Variants in FOXP4 observed in about 807,000 individuals in gnomAD.
FOXP4 encodes the protein forkhead box protein P4.
Under a neutral mutation model 82.6 loss-of-function variants are expected in FOXP4, and 25 were observed. The ratio of observed to expected loss-of-function variants is 0.30; its 90% CI spans 0.22 to 0.42. The LOEUF is 0.42. Ranked by LOEUF, FOXP4 falls within the 10% of genes least tolerant of loss-of-function variation. FOXP4 has a pLI of 1.00. For missense variants in FOXP4, 785 were observed against 900.9 expected (o/e 0.87, Z 1.65); for synonymous variants, 415 against 388.2 (o/e 1.07, Z -0.81).
At chr6:41,548,006 G>A (rs964153512) in intron 1 of FOXP4, among the ~76,000 whole-genome samples, 42 of 152,362 alleles carry the variant, frequency 2.8e-4, no homozygotes, top group African/African-American at 9.9e-4. Context: ...CCAGACGGCG[G>A]CGGATTCCCT....
At chr6:41,549,763 A>G (rs1239136703) in intron 1 of FOXP4, among the ~76,000 whole-genome samples, 1 of 151,142 alleles carries the variant, frequency 6.6e-6, no homozygotes, top group Non-Finnish European at 1.5e-5. Flanking sequence ...AAGAATGGGA[A>G]CAGGGTGTCT....
chr6:41,561,980 T>C (rs959653600), intron 1 of FOXP4, among the ~76,000 whole-genome samples: 12 of 152,210 alleles, frequency 7.9e-5, no homozygotes, highest in African/African-American at 2.9e-4. Context: ...TACAGGGGAC[T>C]GATAATCAAG....
At chr6:41,597,381 C>T (rs1435818101) in intron 15 of FOXP4, 139 bp downstream of exon 15, 8 of 832,528 alleles carry the variant, frequency 9.6e-6, no homozygotes, top group South Asian at 6.7e-5. Context: ...CGAGACCCCA[C>T]CTCTCTGCCC....
intron 5 of FOXP4, among the ~76,000 whole-genome samples, chr6:41,586,118 T>C (rs554763388): frequency 6.6e-5 from 10 of 151,926 alleles, no homozygotes; most frequent in Non-Finnish European, 1.3e-4. Flanking sequence ...AGCCCCAAGC[T>C]CTAAGTTTCC....
At chr6:41,577,224 A>G (rs570187162) in intron 2 of FOXP4, among the ~76,000 whole-genome samples, 1 of 152,268 alleles carries the variant, frequency 6.6e-6, no homozygotes, top group African/African-American at 2.4e-5. Flanking sequence ...CCACAGCACG[A>G]TGGTCCATGC....
chr6:41,564,512 CCTT>C (rs1257908648), intron 1 of FOXP4, among the ~76,000 whole-genome samples: 3 of 152,218 alleles, frequency 2.0e-5, no homozygotes, highest in African/African-American at 7.2e-5. Context: ...TCCACCTCCT[CCTT>C]ACTGTCCTGA....
intron 1 of FOXP4, among the ~76,000 whole-genome samples, chr6:41,552,657 G>A (rs1472233530): frequency 6.6e-6 from 1 of 152,190 alleles, no homozygotes; most frequent in Non-Finnish European, 1.5e-5. Context: ...ATAACACAAG[G>A]GGTTTTCGGC....
rs1766530055 is a variant in FOXP4, at chr6:41,591,813, C to T, written c.1536+491C>T. Among the ~76,000 whole-genome samples the T allele has an allele frequency of 6.6e-6, 1 of 152,226 alleles. No individual in the cohort carries two copies. On this transcript the variant is annotated intron_variant, in intron 13 of 16. Coordinates refer to ENST00000307972, the MANE Select transcript of FOXP4 (RefSeq NM_001012426.2). The surrounding 1 kb of genome is among the most constrained non-coding windows in gnomAD (Gnocchi z 4.2). Reference sequence around the variant, plus strand: ...ATTGGGGCACTGACGGCACTCACAGCCCTCCCCAGCTCTGCCATCCCTGGC... The same window carrying T: ...ATTGGGGCACTGACGGCACTCACAGTCCTCCCCAGCTCTGCCATCCCTGGC...
chr6:41,600,845 C>G lies in FOXP4; in HGVS notation c.*1909C>G, dbSNP rs1767185853. ...GGTTCCCCTGTGCCTCCTGTCCCTT[C>G]CACGCTTAAACAGGGTTCTCTGTCA... is the stretch of plus-strand genomic sequence containing the variant. On this transcript the variant is annotated 3_prime_UTR_variant, in exon 17 of 17. Transcript: ENST00000307972. 4 of 152,386 alleles carry G rather than the reference C, an allele frequency of 2.6e-5. No homozygotes were observed. The highest frequency in any genetic ancestry group is 2.6e-4 in the Admixed American group (4 of 15,290). 9.4% of individuals were successfully genotyped at this position (152,386 alleles called of 1,614,324 possible).
Position 41,577,974 on chromosome 6 carries a change from CCT to C in FOXP4, c.205-11_205-10del, listed in dbSNP as rs1415456650. ...CTCCCAGGCCATTGCTGACTCAGCC[CCT>C]GTCTTGCAGGCTCTCCAAGTGGCCC... On this transcript the variant is annotated splice_polypyrimidine_tract_variant and intron_variant, in intron 2 of 16. Coordinates refer to ENST00000307972, the MANE Select transcript of FOXP4 (RefSeq NM_001012426.2). 14 of 1,608,498 alleles carry C rather than the reference CCT, an allele frequency of 8.7e-6. No homozygotes were observed. Among genetic ancestry groups the C allele is most frequent in the South Asian group, 4.4e-5 (4 of 90,914 alleles).
chr6:41,594,384 C>T (rs926720405), intron 13 of FOXP4, among the ~76,000 whole-genome samples: 1 of 152,162 alleles, frequency 6.6e-6, no homozygotes, highest in African/African-American at 2.4e-5. Context: ...GTGGAGGTGG[C>T]AGTGAGGGTT....
intron 4 of FOXP4, 25 bp downstream of exon 4, chr6:41,584,916 G>T: frequency 6.3e-7 from 1 of 1,595,420 alleles, no homozygotes; most frequent in Non-Finnish European, 8.5e-7. Flanking sequence ...AGGGCAGCTG[G>T]TCCCTCCTCC....
rs61748653 is a variant in FOXP4 at position 41,589,773 on chromosome 6, C to T, written c.1068C>T (p.Leu356=). Residue 356 remains leucine (L), a splice_region_variant and synonymous_variant, in exon 10 of 17, where the codon CTC becomes CTT. Coordinates refer to ENST00000307972, the MANE Select transcript of FOXP4 (RefSeq NM_001012426.2). ...TCCTGCTTTGCCACCCTCCACAGCT[C>T]GCCAAGGAGAGCGAGCGGCTGCAGG... ...MQVVQQLEIQ[L]AKESERLQAM... is the part of the protein sequence containing the mutation. 2.9e-5 allele frequency: 46 copies of T among 1,611,176 alleles called. 1 individual carries two copies. In the South Asian group the frequency reaches 3.6e-4, roughly 13 times the overall value.
chr6:41,564,662 C>G (rs1764776285), intron 1 of FOXP4, among the ~76,000 whole-genome samples: 1 of 152,136 alleles, frequency 6.6e-6, no homozygotes, highest in African/African-American at 2.4e-5. Flanking sequence ...TTCGGTTTTT[C>G]CATCTGTAAA....
At chr6:41,547,030 C>T (rs1409190224) in intron 1 of FOXP4, among the ~76,000 whole-genome samples, 163 bp downstream of exon 1, 1 of 151,624 alleles carries the variant, frequency 6.6e-6, no homozygotes, top group Non-Finnish European at 1.5e-5. Context: ...GAGCCGGGCC[C>T]GGGCCGGCGC....
chr6:41,590,343 G>A lies in FOXP4; in HGVS notation c.1430G>A (p.Arg477His), dbSNP rs748113403. 2 of 1,613,682 alleles carry A rather than the reference G, an allele frequency of 1.2e-6. No homozygotes were observed. The highest frequency in any genetic ancestry group is 1.1e-5 in the South Asian group (1 of 91,042). ...CCCTTCACCTACGCCTCCCTCATCC[G>A]CCAGGTGAGCAGGGCAGGTAGGAGG... ...RPPFTYASLI[R>H]QAILETPDRQ... Residue 477 changes from arginine (R) to histidine (H), a missense_variant, in exon 12 of 17, where the codon CGC (arginine) becomes CAC (histidine). Coordinates refer to ENST00000307972, the MANE Select transcript of FOXP4 (RefSeq NM_001012426.2).
At chr6:41,566,113 T>TCCAC (rs1386582672) in intron 2 of FOXP4, 149 bp downstream of exon 2, 48 of 814,672 alleles carry the variant, frequency 5.9e-5, no homozygotes, top group Admixed American at 8.8e-5. Context: ...GGACTCCCTG[T>TCCAC]CCACCCACCC....
At chr6:41,554,741 T>C (rs1197668116) in intron 1 of FOXP4, among the ~76,000 whole-genome samples, 2 of 152,046 alleles carry the variant, frequency 1.3e-5, no homozygotes, top group Non-Finnish European at 2.9e-5. Flanking sequence ...GCACCTGTAG[T>C]CCCAGCTACT....
intron 2 of FOXP4, among the ~76,000 whole-genome samples, chr6:41,575,674 A>T (rs1290044156): frequency 1.3e-5 from 2 of 152,210 alleles, no homozygotes; most frequent in East Asian, 1.9e-4. Context: ...TAAGAGAGTC[A>T]GTGGGGAGTC....
Sources: allele counts gnomAD v4.1 joint callset (sites outside exome capture counted in the v4.1 genomes callset), GRCh38; gene constraint gnomAD v4.1.1; non-coding constraint Gnocchi (gnomAD v3.1); transcripts MANE v1.5; gene names NCBI Gene and HGNC (gene_info 2026-07-23, HGNC 2026-07-21).